Variants in NBAS observed in about 807,000 individuals in gnomAD.
The protein encoded by NBAS is NAG/BC035112 fusion.
NBAS carries 219 observed loss-of-function variants against 302.5 expected under a neutral mutation model. That is an observed-to-expected ratio of 0.72 (90% CI 0.65 to 0.81). The LOEUF is 0.81. NBAS is among the 30% of genes least tolerant of loss of function. The pLI is 0.00. For synonymous variants in NBAS, 1,118 were observed against 1,021.6 expected, an observed-to-expected ratio of 1.09 and a Z score of -1.80; for missense variants, 2,932 against 2,841.6, an observed-to-expected ratio of 1.03 and a Z score of -0.72.
chr2:15,436,657 G>A (rs941997316), intron 21 of NBAS, among the ~76,000 whole-genome samples: 2 of 152,116 alleles, frequency 1.3e-5, no homozygotes, highest in African/African-American at 2.4e-5. Flanking sequence ...CAGTCAATGC[G>A]GTGTTCATTA....
intron 30 of NBAS, among the ~76,000 whole-genome samples, chr2:15,379,347 A>G (rs1674914422): frequency 6.9e-6 from 1 of 145,802 alleles, no homozygotes; most frequent in African/African-American, 2.5e-5. Context: ...CTCTTCCAAC[A>G]GAAGAGAAAT....
chr2:14,841,303 C>A, the NBAS span, among the ~76,000 whole-genome samples: 1 of 151,388 alleles, frequency 6.6e-6, no homozygotes, highest in Non-Finnish European at 1.5e-5. Flanking sequence ...AAACAAGAAT[C>A]AAAATGTCAG....
chr2:15,223,604 G>A (rs1247104562), intron 47 of NBAS, among the ~76,000 whole-genome samples: 12 of 152,048 alleles, frequency 7.9e-5, no homozygotes, highest in Non-Finnish European at 1.5e-4. Flanking sequence ...GCTGAGGCAG[G>A]CAGAACACAA....
chr2:15,414,621 G>T (rs1046062012), intron 25 of NBAS, among the ~76,000 whole-genome samples: 1 of 152,162 alleles, frequency 6.6e-6, no homozygotes, highest in Non-Finnish European at 1.5e-5. Context: ...TATAGTAATT[G>T]TAAGCAAATA....
At chr2:14,791,191 G>A in the NBAS span, among the ~76,000 whole-genome samples, 169 of 151,468 alleles carry the variant, frequency 1.1e-3, no homozygotes, top group African/African-American at 3.9e-3. Flanking sequence ...GTGTTTCTCC[G>A]TGTTGGTCAG....
At chr2:15,135,450 G>A in the NBAS span, among the ~76,000 whole-genome samples, 1 of 152,158 alleles carries the variant, frequency 6.6e-6, no homozygotes, top group Non-Finnish European at 1.5e-5. Flanking sequence ...CAGTGAGCGG[G>A]CACCCGTGCT....
intron 6 of NBAS, 34 bp from the exon 7 acceptor site, chr2:15,539,390 A>T: frequency 6.2e-7 from 1 of 1,613,194 alleles, no homozygotes; most frequent in Non-Finnish European, 8.5e-7. Context: ...TGCTTCTAAC[A>T]ATATATTACA....
chr2:15,044,342 A>C, the NBAS span, among the ~76,000 whole-genome samples: 1 of 152,236 alleles, frequency 6.6e-6, no homozygotes, highest in African/African-American at 2.4e-5. Context: ...TTGACAATGA[A>C]CTCCCAGCTC....
intron 49 of NBAS, among the ~76,000 whole-genome samples, chr2:15,189,731 G>A (rs1665257179): frequency 6.6e-6 from 1 of 152,134 alleles, no homozygotes; most frequent in Admixed American, 6.6e-5. Context: ...GCCAGCAGTT[G>A]GTTAGAATTC....
the NBAS span, among the ~76,000 whole-genome samples, chr2:14,789,425 C>T: frequency 2.2e-4 from 34 of 152,302 alleles, no homozygotes; most frequent in African/African-American, 1.7e-4. Context: ...TCTTCTGCGT[C>T]GCTCATGCTG....
the NBAS span, among the ~76,000 whole-genome samples, chr2:14,930,491 G>A: frequency 2.6e-5 from 4 of 152,280 alleles, no homozygotes; most frequent in East Asian, 5.8e-4. Context: ...TGCCAGCAAA[G>A]CCATCCAAGG....
chr2:15,160,465 TAGA>T, the NBAS span, among the ~76,000 whole-genome samples: 13 of 152,128 alleles, frequency 8.5e-5, no homozygotes, highest in East Asian at 1.7e-3. Flanking sequence ...TCTTGGCTCA[TAGA>T]AGAAGGAGAT....
chr2:15,038,635 G>A, the NBAS span, among the ~76,000 whole-genome samples: 2 of 152,076 alleles, frequency 1.3e-5, no homozygotes, highest in African/African-American at 2.4e-5. Context: ...CTTCTGTGTC[G>A]TGATGTCAGG....
At chr2:15,258,642 C>T (rs1668711414) in intron 44 of NBAS, among the ~76,000 whole-genome samples, 1 of 152,084 alleles carries the variant, frequency 6.6e-6, no homozygotes, top group Non-Finnish European at 1.5e-5. Context: ...GGGAACCTCG[C>T]CCTGGTAAAT....
the NBAS span, among the ~76,000 whole-genome samples, chr2:14,857,960 T>C: frequency 6.6e-6 from 1 of 151,802 alleles, no homozygotes; most frequent in African/African-American, 2.4e-5. Flanking sequence ...TATAAGGAGC[T>C]CAAACAACTC....
the NBAS span, among the ~76,000 whole-genome samples, chr2:15,155,252 T>C: frequency 7.2e-5 from 11 of 152,304 alleles, no homozygotes; most frequent in South Asian, 8.3e-4. Context: ...AAAATATGTA[T>C]GTCAAGCCCC....
At chr2:15,114,950 G>C in the NBAS span, among the ~76,000 whole-genome samples, 1 of 152,196 alleles carries the variant, frequency 6.6e-6, no homozygotes, top group Non-Finnish European at 1.5e-5. Flanking sequence ...GGTTGCCTTT[G>C]GGAGAATGAG....
chr2:14,953,641 A>G, the NBAS span, among the ~76,000 whole-genome samples: 4 of 152,136 alleles, frequency 2.6e-5, no homozygotes, highest in Admixed American at 6.5e-5. Context: ...AGCTCCATCC[A>G]TTGCTGACAC....
At chr2:14,971,265 A>G in the NBAS span, among the ~76,000 whole-genome samples, 5 of 152,100 alleles carry the variant, frequency 3.3e-5, no homozygotes, top group African/African-American at 1.2e-4. Context: ...GCCTGTAATC[A>G]CATCACTTTG....
Sources: gnomAD v4.1 joint callset for allele counts (sites outside exome capture counted in the v4.1 genomes callset) on GRCh38, gnomAD v4.1.1 for gene constraint, MANE v1.5 for transcripts, NCBI Gene and HGNC (gene_info 2026-07-23, HGNC 2026-07-21) for gene names.